The following TMPRSS7 variants were observed in gnomAD, a reference collection of about 807,000 sequenced individuals.
TMPRSS7 encodes transmembrane protease serine 7.
TMPRSS7 carries 81 observed loss-of-function variants against 95.6 expected under a neutral mutation model. The ratio of observed to expected loss-of-function variants is 0.85; its 90% CI spans 0.71 to 1.02. The LOEUF is 1.02. Ranked by LOEUF, TMPRSS7 falls within the 50% of genes least tolerant of loss-of-function variation. TMPRSS7 has a pLI of 0.00. For missense variants in TMPRSS7, 945 were observed against 955.2 expected (o/e 0.99, Z 0.14); for synonymous variants, 364 against 337.8 (o/e 1.08, Z -0.85).
At chr3:112,059,657 G>A (rs978293261) in intron 10 of TMPRSS7, among the ~76,000 whole-genome samples, 1 of 152,188 alleles carries the variant, frequency 6.6e-6, no homozygotes, top group Middle Eastern at 3.2e-3. Flanking sequence ...GTGCCTCTCA[G>A]ACCCTGGCTC....
intron 15 of TMPRSS7, among the ~76,000 whole-genome samples, chr3:112,076,408 A>G (rs1042006686): frequency 6.6e-6 from 1 of 152,238 alleles, no homozygotes; most frequent in African/African-American, 2.4e-5. Flanking sequence ...GTAGTTTGCC[A>G]GAAGGAATTT....
At chr3:112,065,564 C>T (rs1344597867) in intron 12 of TMPRSS7, among the ~76,000 whole-genome samples, 3 of 151,864 alleles carry the variant, frequency 2.0e-5, no homozygotes, top group East Asian at 1.9e-4. Context: ...ATCATTATTC[C>T]TCATTGTGCC....
intron 11 of TMPRSS7, among the ~76,000 whole-genome samples, chr3:112,062,205 C>T (rs930674954): frequency 6.6e-6 from 1 of 151,950 alleles, no homozygotes; most frequent in African/African-American, 2.4e-5. Context: ...TTACACTATT[C>T]CTTAAAGACA....
chr3:112,069,171 G>C (rs1049276448), intron 13 of TMPRSS7, among the ~76,000 whole-genome samples: 2 of 152,298 alleles, frequency 1.3e-5, no homozygotes, highest in Middle Eastern at 6.8e-3. Context: ...CAAAGATGAA[G>C]CCCACTTGAT....
At chr3:112,041,824 A>T in intron 2 of TMPRSS7, 96 bp from the exon 3 acceptor site, 4 of 797,894 alleles carry the variant, frequency 5.0e-6, no homozygotes, top group Non-Finnish European at 6.1e-6. Context: ...CTAAAATAAA[A>T]TTATTTTAGG....
In TMPRSS7 at chr3:112,078,731, G is replaced by A; in HGVS notation, c.2225-11G>A. ...CACTAACATCATTTCTACTTCCAATGTGTTTTGCAGATAATAAAGGCTCCC... is the reference window on the plus strand; with the variant it reads ...CACTAACATCATTTCTACTTCCAATATGTTTTGCAGATAATAAAGGCTCCC... On this transcript the variant is annotated splice_polypyrimidine_tract_variant and intron_variant, in intron 16 of 17. Coordinates refer to ENST00000452346, the Ensembl canonical transcript of TMPRSS7. The A allele has an allele frequency of 6.2e-7, 1 of 1,614,022 alleles. No homozygotes were observed. Among genetic ancestry groups the A allele is most frequent in the Non-Finnish European group, 8.5e-7 (1 of 1,179,944 alleles).
chr3:112,046,991 T>G (rs1576101076), exon 6 of TMPRSS7: 1 of 702,704 alleles, frequency 1.4e-6, no homozygotes, highest in African/African-American at 1.7e-5. Flanking sequence ...TCGGTCGGAT[T>G]ACTCGTCAAC....
rs200245560 is a variant in TMPRSS7 at position 112,050,751 on chromosome 3, C to A, written c.1171C>A (p.Pro391Thr). ...AAGCCCATATTACCCGAGCTACTAT[C>A]CTCCAAAATGCAAGTGTACCTGGAA... The change falls in exon 9 of 18, where the codon CCT (proline) becomes ACT (threonine). Residue 391 changes from proline (P) to threonine (T), a missense_variant. Pro to Thr is a conservative substitution (Grantham distance 38, BLOSUM62 -1). Coordinates refer to ENST00000452346, the Ensembl canonical transcript of TMPRSS7. 381 of 1,600,552 alleles carry A rather than the reference C, an allele frequency of 2.4e-4. 2 individuals carry two copies. The South Asian group carries it at 4.1e-3, about 17-fold the overall frequency.
chr3:112,063,141 T>C (rs1044037822), intron 11 of TMPRSS7, among the ~76,000 whole-genome samples: 1 of 152,206 alleles, frequency 6.6e-6, no homozygotes, highest in Non-Finnish European at 1.5e-5. Flanking sequence ...CAATTTAAGA[T>C]TCTCTAGTGC....
At chr3:112,081,048 T>C in exon 18 of TMPRSS7, 2 of 1,610,844 alleles carry the variant, frequency 1.2e-6, no homozygotes, top group Non-Finnish European at 1.7e-6. Context: ...CAAACTTTGT[T>C]CCCTGGATTC....
Position 112,045,893 on chromosome 3 carries a change from TG to T in TMPRSS7, c.645del (p.Ser216AlafsTer14). The T allele has an allele frequency of 6.4e-7, 1 of 1,551,856 alleles. No individual in the cohort carries two copies. Among genetic ancestry groups the T allele is most frequent in the Non-Finnish European group, 8.7e-7 (1 of 1,146,994 alleles). On this transcript the variant is annotated frameshift_variant, in exon 5 of 18. Transcript: ENST00000452346. LOFTEE classifies it high-confidence loss of function. ...ACAAGCATCATAAACCGGACCTCTG[TG>T]GGGAGCTTGCAGGGACTGGCTGTGG...
chr3:112,055,675 T>C (rs2073424952), intron 9 of TMPRSS7, among the ~76,000 whole-genome samples: 1 of 151,776 alleles, frequency 6.6e-6, no homozygotes, highest in Non-Finnish European at 1.5e-5. Context: ...GGATGGGCAA[T>C]GTATCAGGCA....
At chr3:112,047,260 C>T (rs1247566458) in intron 6 of TMPRSS7, 1 of 602,612 alleles carries the variant, frequency 1.7e-6, no homozygotes, top group Non-Finnish European at 3.0e-6. Context: ...CTCTGCATCT[C>T]TGCCTACTTC....
chr3:112,045,894 G>A (rs1261911771), exon 5 of TMPRSS7: 1 of 1,551,880 alleles, frequency 6.4e-7, no homozygotes. Context: ...GGACCTCTGT[G>A]GGGAGCTTGC....
At chr3:112,065,924 C>T (rs1247458928) in intron 12 of TMPRSS7, among the ~76,000 whole-genome samples, 1 of 152,174 alleles carries the variant, frequency 6.6e-6, no homozygotes, top group Admixed American at 6.5e-5. Flanking sequence ...AGTCTGTTAT[C>T]CTTTAAGATC....
chr3:112,064,209 T>C (rs1464475364), intron 12 of TMPRSS7, among the ~76,000 whole-genome samples: 1 of 152,178 alleles, frequency 6.6e-6, no homozygotes, highest in African/African-American at 2.4e-5. Flanking sequence ...AACACCGAAA[T>C]CCTGTTTGAA....
chr3:112,075,397 G>A, exon 15 of TMPRSS7: 1 of 1,540,120 alleles, frequency 6.5e-7, no homozygotes, highest in East Asian at 2.6e-5. Context: ...GGCCGTGGCA[G>A]GTCAGCCTCC....
chr3:112,068,432 G>T (rs747159442), intron 13 of TMPRSS7, among the ~76,000 whole-genome samples: 1 of 152,338 alleles, frequency 6.6e-6, no homozygotes, highest in South Asian at 2.1e-4. Flanking sequence ...CCATTTTCAT[G>T]ATATGGATTC....
At chr3:112,078,802 G>A (rs755841110) in exon 17 of TMPRSS7, 1 of 1,614,206 alleles carries the variant, frequency 6.2e-7, no homozygotes, top group South Asian at 1.1e-5. Flanking sequence ...CAAACGCTCT[G>A]TGTTTCCACC....
Sources: gnomAD v4.1 joint callset for allele counts (sites outside exome capture counted in the v4.1 genomes callset) on GRCh38, gnomAD v4.1.1 for gene constraint, MANE v1.5 for transcripts, NCBI Gene and HGNC (gene_info 2026-07-23, HGNC 2026-07-21) for gene names.